Variants in IL4R observed in about 807,000 individuals in gnomAD.
IL4R encodes the protein interleukin 4 receptor.
IL4R carries 17 observed loss-of-function variants against 41.5 expected under a neutral mutation model. The observed-to-expected ratio is 0.41, with a 90% CI of 0.28 to 0.61. The LOEUF is 0.61. Among genes scored for constraint, IL4R ranks in the 20% least tolerant of loss-of-function variants. IL4R has a pLI of 0.31. For missense variants in IL4R, 974 were observed against 1,043.1 expected (o/e 0.93, Z 0.91); for synonymous variants, 402 against 422.9 (o/e 0.95, Z 0.61).
At chr16:27,323,869 G>GTCTT (rs1786751363) in intron 1 of IL4R, among the ~76,000 whole-genome samples, 1 of 152,092 alleles carries the variant, frequency 6.6e-6, no homozygotes, top group Non-Finnish European at 1.5e-5. Context: ...ATGTTACCCA[G>GTCTT]GCTGGTCTTG....
intron 1 of IL4R, among the ~76,000 whole-genome samples, chr16:27,325,783 C>T (rs1033454523): frequency 2.6e-5 from 4 of 151,974 alleles, no homozygotes; most frequent in South Asian, 2.1e-4. Flanking sequence ...GGTGCATCCC[C>T]GATAAAGAAA....
At chr16:27,319,867 G>A (rs1404365391) in intron 1 of IL4R, among the ~76,000 whole-genome samples, 3 of 152,062 alleles carry the variant, frequency 2.0e-5, no homozygotes, top group Non-Finnish European at 4.4e-5. Context: ...TCTGGGTTGC[G>A]TACTTTTTCT....
intron 2 of IL4R, chr16:27,334,441 A>G (rs960146778): frequency 1.8e-4 from 27 of 152,116 alleles, no homozygotes; most frequent in African/African-American, 6.5e-4. Context: ...TGCCTTCCAC[A>G]ACAGATTAAG....
At chr16:27,314,150 G>A (rs2141035248) in intron 1 of IL4R, 130 bp downstream of exon 1, 2 of 963,838 alleles carry the variant, frequency 2.1e-6, no homozygotes, top group South Asian at 9.6e-5. Flanking sequence ...AGCGGGGCCC[G>A]AGCCCGCGAC....
At chr16:27,323,541 C>G (rs190165398) in intron 1 of IL4R, among the ~76,000 whole-genome samples, 4 of 152,318 alleles carry the variant, frequency 2.6e-5, no homozygotes, top group Admixed American at 2.6e-4. Flanking sequence ...TAGGCAGGTT[C>G]CTGACCCTCT....
chr16:27,317,833 G>C (rs892488727), intron 1 of IL4R, among the ~76,000 whole-genome samples: 2 of 152,196 alleles, frequency 1.3e-5, no homozygotes, highest in African/African-American at 4.8e-5. Flanking sequence ...AGTTTGTATA[G>C]ACATTTTGCC....
In IL4R at chr16:27,363,238, AG is replaced by A; in HGVS notation, c.1890del (p.Tyr631IlefsTer56). On this transcript the variant is annotated frameshift_variant, in exon 11 of 11. Coordinates refer to ENST00000395762, the MANE Select transcript of IL4R (RefSeq NM_000418.4). LOFTEE classifies it low-confidence loss of function (END_TRUNC). ...KCGFGASSGE[E>X]GYKPFQDLIP... Reference sequence around the variant, plus strand: ...GGGTTTGGGGCTAGCAGTGGGGAAGAGGGGTATAAGCCTTTCCAAGACCTCA... The same window carrying A: ...GGGTTTGGGGCTAGCAGTGGGGAAGAGGGTATAAGCCTTTCCAAGACCTCA... 1 of 1,606,050 alleles carries A rather than the reference AG, an allele frequency of 6.2e-7. No individual in the cohort carries two copies. The highest frequency in any genetic ancestry group is 8.5e-7 in the Non-Finnish European group (1 of 1,175,718).
intron 1 of IL4R, chr16:27,314,245 C>A: frequency 2.3e-6 from 1 of 426,496 alleles, no homozygotes; most frequent in Non-Finnish European, 3.1e-6. Flanking sequence ...CGTGGACACC[C>A]AGCGCTCCCC....
chr16:27,348,764 T>C lies in IL4R; in HGVS notation c.513+2146T>C, dbSNP rs3024587. Among the ~76,000 whole-genome samples the C allele has an allele frequency of 4.7e-3, 715 of 152,278 alleles. 7 individuals carry two copies. Among genetic ancestry groups the C allele is most frequent in the African/African-American group, 0.016 (671 of 41,552 alleles). On this transcript the variant is annotated intron_variant, in intron 6 of 10. Transcript: ENST00000395762. Reference sequence around the variant, plus strand: ...CTTGTCCAGGGAGGAGTCACATACCTGCCTCTAGGGCTGCAGGTGGGCTCA... The same window carrying C: ...CTTGTCCAGGGAGGAGTCACATACCCGCCTCTAGGGCTGCAGGTGGGCTCA...
At chr16:27,340,766 A>G (rs1052194974) in intron 3 of IL4R, among the ~76,000 whole-genome samples, 2 of 151,886 alleles carry the variant, frequency 1.3e-5, no homozygotes, top group Non-Finnish European at 2.9e-5. Context: ...ACAGCATAAG[A>G]GGGGGTTGGG....
rs541379068 is a variant in IL4R, at chr16:27,345,499, T to G, written c.361+479T>G. 9.9e-5 allele frequency: 28 copies of G among 281,590 alleles called. No homozygotes were observed. The highest frequency in any genetic ancestry group is 9.9e-4 in the South Asian group (28 of 28,286). 17.4% of individuals were successfully genotyped at this position (281,590 alleles called of 1,614,324 possible). A position where few individuals can be genotyped will look rare whatever the true frequency, so the allele number is the denominator to read the frequency against. ...CAGGAGTTTAAAACATGCGTTGTAT[T>G]CCAGTGATGCATGATATGACATGCA... On this transcript the variant is annotated intron_variant, in intron 5 of 10. Transcript: ENST00000395762. This position sits in a 1 kb window ranked among gnomAD's most constrained non-coding sequence, Gnocchi z 4.5.
At chr16:27,314,091 G>C in intron 1 of IL4R, 71 bp downstream of exon 1, 2 of 985,204 alleles carry the variant, frequency 2.0e-6, no homozygotes, top group Non-Finnish European at 1.2e-6. Flanking sequence ...GAGGGCGTTC[G>C]GGAAGGGCTC....
At chr16:27,341,127 G>A (rs1378108730) in intron 3 of IL4R, 2 of 691,388 alleles carry the variant, frequency 2.9e-6, no homozygotes, top group Non-Finnish European at 5.3e-6. Context: ...AGGTCTGGAG[G>A]GAGGTCTGGA....
rs1010359208 is a variant in IL4R, at chr16:27,314,068, G to T, written c.-152+48G>T. 6 of 985,036 alleles carry T rather than the reference G, an allele frequency of 6.1e-6. No homozygotes were observed. In the South Asian group the frequency reaches 1.9e-4, roughly 31 times the overall value. The allele number at this position is 985,036 out of a possible 1,614,324, so 61.0% of individuals were successfully genotyped here. ...GGATCGGGTTGCGAAGGTATCGCCC[G>T]GGCACGCCGGCTGAGGGCGTTCGGG... On this transcript the variant is annotated intron_variant, in intron 1 of 10. Transcript: ENST00000395762.
chr16:27,363,327 A>C lies in IL4R; in HGVS notation c.1975A>C (p.Arg659=). ...CCCCTTGTTCACCTTTGGACTGGAC[A>C]GGGAGCCACCTCGCAGTCCGCAGAG... The part of the protein sequence containing the change: ...PVPLFTFGLD[R]EPPRSPQSSH... Residue 659 remains arginine, a synonymous_variant, in exon 11 of 11, where the codon AGG becomes CGG. Coordinates refer to ENST00000395762, the MANE Select transcript of IL4R (RefSeq NM_000418.4). 6.2e-7 allele frequency: 1 copy of C among 1,613,464 alleles called. No individual in the cohort carries two copies. The highest frequency in any genetic ancestry group is 1.1e-5 in the South Asian group (1 of 90,932).
chr16:27,334,540 A>G (rs1383729073), intron 2 of IL4R: 1 of 152,120 alleles, frequency 6.6e-6, no homozygotes, highest in Non-Finnish European at 1.5e-5. Flanking sequence ...CTTTACCATG[A>G]AAGTCTTCTG....
At chr16:27,354,203 C>T (rs1016427464) in intron 7 of IL4R, 15 of 152,210 alleles carry the variant, frequency 9.9e-5, no homozygotes, top group African/African-American at 3.6e-4. Context: ...TTGATTATCT[C>T]ACATAAAATG....
At position 27,362,659 on chromosome 16, in the gene IL4R, C is replaced by A; in HGVS notation, c.1307C>A (p.Ser436Ter). The change falls in exon 11 of 11, where the codon TCG becomes TAG. Residue 436 changes from serine (S) to a stop codon, truncating the protein, a stop_gained. Transcript: ENST00000395762. LOFTEE classifies it low-confidence loss of function (END_TRUNC). ...GGGGAGTCATGCCTTCTTCCACCTT[C>A]GGGAAGTACGAGTGCTCACATGCCC... is the stretch of plus-strand genomic sequence containing the variant. Reference protein sequence around the residue: ...DMGESCLLPPSGSTSAHMPWD... With the variant: ...DMGESCLLPP The A allele has an allele frequency of 6.2e-7, 1 of 1,614,056 alleles. No homozygotes were observed. The highest frequency in any genetic ancestry group is 8.5e-7 in the Non-Finnish European group (1 of 1,179,988).
chr16:27,341,895 G>A (rs2141132278), intron 3 of IL4R: 1 of 507,526 alleles, frequency 2.0e-6, no homozygotes, highest in Non-Finnish European at 3.5e-6. Context: ...GTTCGTTCTT[G>A]TCTAATGGCC....
Sources: allele counts gnomAD v4.1 joint callset (sites outside exome capture counted in the v4.1 genomes callset), GRCh38; gene constraint gnomAD v4.1.1; non-coding constraint Gnocchi (gnomAD v3.1); transcripts MANE v1.5; gene names NCBI Gene and HGNC (gene_info 2026-07-23, HGNC 2026-07-21).